H1-5: variants seen among roughly 807,000 people sequenced by gnomAD.
H1-5 encodes the protein H1.5 linker histone, cluster member.
A neutral mutation model predicts 4.6 loss-of-function variants in H1-5; 3 were observed. That is an observed-to-expected ratio of 0.65 (90% CI 0.30 to 1.68). The LOEUF (loss-of-function observed/expected upper bound fraction) is 1.68. Ranked by LOEUF, H1-5 falls within the 40% of genes most tolerant of loss-of-function variation. The pLI is 0.10. For missense variants in H1-5, 521 were observed against 287.9 expected (o/e 1.81, Z -5.86); for synonymous variants, 250 against 123.4 (o/e 2.03, Z -6.80).
Position 27,867,553 on chromosome 6 carries a change from GAAT to G in H1-5, c.-27_-25del. ...ATGGTGGCAAGAAACTGCTAGAAGA[GAAT>G]AAGCTCGAAATCTAAAGAGCAGGTT... On this transcript the variant is annotated 5_prime_UTR_variant, in exon 1 of 1. Transcript: ENST00000331442. The G allele has an allele frequency of 6.6e-7, 1 of 1,520,548 alleles. No individual in the cohort carries two copies. Among genetic ancestry groups the G allele is most frequent in the South Asian group, 1.3e-5 (1 of 74,584 alleles). 94.2% of individuals were successfully genotyped at this position (1,520,548 alleles called of 1,614,324 possible). A position where few individuals can be genotyped will look rare whatever the true frequency, so the allele number is the denominator to read the frequency against.
In H1-5 at chr6:27,867,552, A is replaced by T. The variant is rs769229051; in HGVS notation, c.-23T>A. 3.9e-6 allele frequency: 6 copies of T among 1,522,512 alleles called. No homozygotes were observed. The highest frequency in any genetic ancestry group is 1.4e-5 in the African/African-American group (1 of 71,710). The allele number at this position is 1,522,512 out of a possible 1,614,324, so 94.3% of individuals were successfully genotyped here. ...CATGGTGGCAAGAAACTGCTAGAAG[A>T]GAATAAGCTCGAAATCTAAAGAGCA... On this transcript the variant is annotated 5_prime_UTR_variant, in exon 1 of 1. Coordinates refer to ENST00000331442, the MANE Select transcript of H1-5 (RefSeq NM_005322.3).
rs1400256331 is a variant in H1-5 at position 27,866,821 on chromosome 6, T to G, written c.*28A>C. On this transcript the variant is annotated 3_prime_UTR_variant, in exon 1 of 1. Transcript: ENST00000331442. ...TGGCTCTGAAAAGAGCCTTTGGGGC[T>G]TTGTTGCGGTTTTCACACGCCAGCT... 2 of 1,553,424 alleles carry G rather than the reference T, an allele frequency of 1.3e-6. No individual in the cohort carries two copies. Among genetic ancestry groups the G allele is most frequent in the Non-Finnish European group, 1.7e-6 (2 of 1,154,830 alleles).
chr6:27,866,861 G>A lies in H1-5; in HGVS notation c.669C>T (p.Ala223=), dbSNP rs780587482. 60 of 1,590,664 alleles carry A rather than the reference G, an allele frequency of 3.8e-5. No homozygotes were observed. In the Middle Eastern group the frequency reaches 1.2e-3, roughly 33 times the overall value. ...ACACGCCAGCTTCCTACTTCTTTTT[G>A]GCAGCCGCCTTCTTGGCCTTTGCAG... ...PKAAKAKKAA[A]KKK Residue 223 remains alanine, a synonymous_variant, in exon 1 of 1, where the codon GCC becomes GCT. Transcript: ENST00000331442.
At position 27,867,299 on chromosome 6, in the gene H1-5, C is replaced by T; in HGVS notation, c.231G>A (p.Glu77=). The T allele has an allele frequency of 6.2e-7, 1 of 1,614,256 alleles. No individual in the cohort carries two copies. Among genetic ancestry groups the T allele is most frequent in the South Asian group, 1.1e-5 (1 of 91,086 alleles). ...KALAAGGYDV[E]KNNSRIKLGL... is the part of the protein sequence containing the mutation. ...CCAGCTTAATGCGGCTGTTATTCTTCTCCACGTCGTAGCCACCGGCCGCTA... is the reference window on the plus strand; with the variant it reads ...CCAGCTTAATGCGGCTGTTATTCTTTTCCACGTCGTAGCCACCGGCCGCTA... Residue 77 remains glutamate, a synonymous_variant, in exon 1 of 1, where the codon GAG becomes GAA. Coordinates refer to ENST00000331442, the MANE Select transcript of H1-5 (RefSeq NM_005322.3).
chr6:27,866,911 T>C lies in H1-5; in HGVS notation c.619A>G (p.Lys207Glu). ...KPKAAKPKAA[K>E]PKAAKPKAAK... The stretch of plus-strand genomic sequence containing the variant: ...GCTTTAGGTTTTGCTGCTTTGGGCT[T>C]AGCGGCTTTGGGCTTTGCCGCCTTC... The change falls in exon 1 of 1, where the codon AAG becomes GAG. Residue 207 changes from lysine (K) to glutamate (E), a missense_variant. Transcript: ENST00000331442. 6.2e-7 allele frequency: 1 copy of C among 1,613,122 alleles called. No homozygotes were observed. Among genetic ancestry groups the C allele is most frequent in the Non-Finnish European group, 8.5e-7 (1 of 1,179,694 alleles).
chr6:27,867,078 G>A lies in H1-5; in HGVS notation c.452C>T (p.Ala151Val), dbSNP rs775808412. Residue 151 changes from alanine (A) to valine (V), a missense_variant, in exon 1 of 1, where the codon GCA becomes GTA. By Grantham distance (64) the Ala-to-Val change is moderately conservative. Transcript: ENST00000331442. ...KAKKAAGAKK[A>V]VKKTPKKAKK... is the part of the protein sequence containing the mutation. Reference sequence around the variant, plus strand: ...CGCCTTCTTCGGAGTCTTCTTCACTGCCTTTTTCGCCCCTGCAGCCTTCTT... The same window carrying A: ...CGCCTTCTTCGGAGTCTTCTTCACTACCTTTTTCGCCCCTGCAGCCTTCTT... 3.1e-6 allele frequency: 5 copies of A among 1,613,840 alleles called. No homozygotes were observed. Among genetic ancestry groups the A allele is most frequent in the South Asian group, 1.1e-5 (1 of 91,026 alleles).
In H1-5 at chr6:27,867,032, G is replaced by A. The variant is rs2113565072; in HGVS notation, c.498C>T (p.Gly166=). ...PKKAKKPAAA[G]VKKVAKSPKK... The stretch of plus-strand genomic sequence containing the variant: ...TAGGGCTCTTCGCCACCTTTTTGAC[G>A]CCAGCCGCCGCGGGCTTCTTCGCCT... The change falls in exon 1 of 1, where the codon GGC becomes GGT. Residue 166 remains glycine, a synonymous_variant. Coordinates refer to ENST00000331442, the MANE Select transcript of H1-5 (RefSeq NM_005322.3). 1 of 1,613,892 alleles carries A rather than the reference G, an allele frequency of 6.2e-7. No individual in the cohort carries two copies. The highest frequency in any genetic ancestry group is 8.5e-7 in the Non-Finnish European group (1 of 1,180,000).
rs35906036 is a variant in H1-5 at position 27,867,017 on chromosome 6, C to T, written c.513G>A (p.Ala171=). 1 of 1,614,138 alleles carries T rather than the reference C, an allele frequency of 6.2e-7. No homozygotes were observed. Among genetic ancestry groups the T allele is most frequent in the Non-Finnish European group, 8.5e-7 (1 of 1,180,028 alleles). ...CGGCCTTGGCCTTCTTAGGGCTCTT[C>T]GCCACCTTTTTGACGCCAGCCGCCG... is the stretch of plus-strand genomic sequence containing the variant. The part of the protein sequence containing the change: ...KPAAAGVKKV[A]KSPKKAKAAA... The change falls in exon 1 of 1, where the codon GCG becomes GCA. Residue 171 remains alanine, a synonymous_variant. Coordinates refer to ENST00000331442, the MANE Select transcript of H1-5 (RefSeq NM_005322.3).
In H1-5 at chr6:27,867,028, T is replaced by G. The variant is rs542637132; in HGVS notation, c.502A>C (p.Lys168Gln). Residue 168 changes from lysine to glutamine, a missense_variant, in exon 1 of 1, where the codon AAA becomes CAA. Transcript: ENST00000331442. ...TTCTTAGGGCTCTTCGCCACCTTTTTGACGCCAGCCGCCGCGGGCTTCTTC... is the reference window on the plus strand; with the variant it reads ...TTCTTAGGGCTCTTCGCCACCTTTTGGACGCCAGCCGCCGCGGGCTTCTTC... Reference protein sequence around the residue: ...KAKKPAAAGVKKVAKSPKKAK... With the variant: ...KAKKPAAAGVQKVAKSPKKAK... 2.5e-6 allele frequency: 4 copies of G among 1,614,090 alleles called. No individual in the cohort carries two copies. Among genetic ancestry groups the G allele is most frequent in the Non-Finnish European group, 2.5e-6 (3 of 1,180,024 alleles).
In H1-5 at chr6:27,867,429, G is replaced by A. The variant is rs755361479; in HGVS notation, c.101C>T (p.Ala34Val). 4 of 1,610,250 alleles carry A rather than the reference G, an allele frequency of 2.5e-6. No homozygotes were observed. Among genetic ancestry groups the A allele is most frequent in the East Asian group, 2.2e-5 (1 of 44,826 alleles). The change falls in exon 1 of 1, where the codon GCT (alanine) becomes GTT (valine). Residue 34 changes from alanine to valine, a missense_variant. Coordinates refer to ENST00000331442, the MANE Select transcript of H1-5 (RefSeq NM_005322.3). Reference protein sequence around the residue: ...ATKKAAGAGAAKRKATGPPVS... With the variant: ...ATKKAAGAGAVKRKATGPPVS... ...TGGGGGCCCCGTCGCTTTGCGCTTA[G>A]CAGCGCCGGCGCCGGCAGCCTTCTT... is the stretch of plus-strand genomic sequence containing the variant.
rs891797377 is a variant in H1-5, at chr6:27,866,949, T to G, written c.581A>C (p.Lys194Thr). ...KKATKSPAKPKAVKPKAAKPK... is the reference protein window; with the variant it reads ...KKATKSPAKPTAVKPKAAKPK... ...CTTTGCCGCCTTCGGCTTAACTGCC[T>G]TGGGCTTGGCAGGACTCTTGGTTGC... is the stretch of plus-strand genomic sequence containing the variant. The change falls in exon 1 of 1, where the codon AAG becomes ACG. Residue 194 changes from lysine (K) to threonine (T), a missense_variant. Physicochemically the swap from Lys to Thr is moderately conservative, Grantham distance 78 (BLOSUM62 -1). Transcript: ENST00000331442. 1 of 1,614,208 alleles carries G rather than the reference T, an allele frequency of 6.2e-7. No homozygotes were observed. Among genetic ancestry groups the G allele is most frequent in the African/African-American group, 1.3e-5 (1 of 75,060 alleles).
Position 27,867,097 on chromosome 6 carries a change from C to A in H1-5, c.433G>T (p.Ala145Ser). 6.2e-7 allele frequency: 1 copy of A among 1,613,792 alleles called. No homozygotes were observed. The stretch of plus-strand genomic sequence containing the variant: ...TTCACTGCCTTTTTCGCCCCTGCAG[C>A]CTTCTTGGCCTTCTTAGGCGTGGCC... ...AGATPKKAKK[A>S]AGAKKAVKKT... Residue 145 changes from alanine to serine, a missense_variant, in exon 1 of 1, where the codon GCT (alanine) becomes TCT (serine). By Grantham distance (99) the Ala-to-Ser change is moderately conservative (BLOSUM62 1). Transcript: ENST00000331442.
Position 27,867,292 on chromosome 6 carries a change from T to A in H1-5, c.238A>T (p.Asn80Tyr). The A allele has an allele frequency of 6.2e-7, 1 of 1,614,254 alleles. No individual in the cohort carries two copies. Among genetic ancestry groups the A allele is most frequent in the Non-Finnish European group, 8.5e-7 (1 of 1,180,050 alleles). ...AAGGYDVEKN[N>Y]SRIKLGLKSL... ...TTGAGGCCCAGCTTAATGCGGCTGT[T>A]ATTCTTCTCCACGTCGTAGCCACCG... Residue 80 changes from asparagine (N) to tyrosine (Y), a missense_variant, in exon 1 of 1, where the codon AAC (asparagine) becomes TAC (tyrosine). Coordinates refer to ENST00000331442, the MANE Select transcript of H1-5 (RefSeq NM_005322.3).
rs757943776 is a variant in H1-5 at position 27,867,096 on chromosome 6, G to C, written c.434C>G (p.Ala145Gly). 1.2e-6 allele frequency: 2 copies of C among 1,613,658 alleles called. No individual in the cohort carries two copies. Among genetic ancestry groups the C allele is most frequent in the African/African-American group, 1.3e-5 (1 of 74,976 alleles). ...AGATPKKAKK[A>G]AGAKKAVKKT... ...CTTCACTGCCTTTTTCGCCCCTGCA[G>C]CCTTCTTGGCCTTCTTAGGCGTGGC... Residue 145 changes from alanine to glycine, a missense_variant, in exon 1 of 1, where the codon GCT (alanine) becomes GGT (glycine). Transcript: ENST00000331442.
rs1761537370 is a variant in H1-5 at position 27,867,313 on chromosome 6, C to T, written c.217G>A (p.Gly73Ser). 6.2e-7 allele frequency: 1 copy of T among 1,614,240 alleles called. No homozygotes were observed. Among genetic ancestry groups the T allele is most frequent in the Non-Finnish European group, 8.5e-7 (1 of 1,180,048 alleles). Residue 73 changes from glycine (G) to serine (S), a missense_variant, in exon 1 of 1, where the codon GGC (glycine) becomes AGC (serine). By Grantham distance (56) the Gly-to-Ser change is moderately conservative. Coordinates refer to ENST00000331442, the MANE Select transcript of H1-5 (RefSeq NM_005322.3). ...AALKKALAAG[G>S]YDVEKNNSRI... ...CTGTTATTCTTCTCCACGTCGTAGC[C>T]ACCGGCCGCTAAGGCCTTCTTAAGG...
rs376086559 is a variant in H1-5, at chr6:27,866,997, T to G, written c.533A>C (p.Lys178Thr). 1.9e-6 allele frequency: 3 copies of G among 1,614,110 alleles called. No homozygotes were observed. Among genetic ancestry groups the G allele is most frequent in the Non-Finnish European group, 2.5e-6 (3 of 1,180,060 alleles). The change falls in exon 1 of 1, where the codon AAG becomes ACG. Residue 178 changes from lysine to threonine, a missense_variant. Physicochemically the swap from Lys to Thr is moderately conservative, Grantham distance 78. Coordinates refer to ENST00000331442, the MANE Select transcript of H1-5 (RefSeq NM_005322.3). ...KKVAKSPKKA[K>T]AAAKPKKATK... ...TGCCTTTTTCGGTTTGGCAGCGGCCTTGGCCTTCTTAGGGCTCTTCGCCAC... is the reference window on the plus strand; with the variant it reads ...TGCCTTTTTCGGTTTGGCAGCGGCCGTGGCCTTCTTAGGGCTCTTCGCCAC...
Position 27,866,833 on chromosome 6 carries a change from T to G in H1-5, c.*16A>C. On this transcript the variant is annotated 3_prime_UTR_variant, in exon 1 of 1. Coordinates refer to ENST00000331442, the MANE Select transcript of H1-5 (RefSeq NM_005322.3). ...GAGCCTTTGGGGCTTTGTTGCGGTT[T>G]TCACACGCCAGCTTCCTACTTCTTT... 6.4e-7 allele frequency: 1 copy of G among 1,571,068 alleles called. No homozygotes were observed. The highest frequency in any genetic ancestry group is 8.6e-7 in the Non-Finnish European group (1 of 1,165,058).
rs775734562 is a variant in H1-5, at chr6:27,867,316, C to A, written c.214G>T (p.Gly72Cys). 10 of 1,614,256 alleles carry A rather than the reference C, an allele frequency of 6.2e-6. No homozygotes were observed. The South Asian group carries it at 1.1e-4, about 18-fold the overall frequency. The change falls in exon 1 of 1, where the codon GGT becomes TGT. Residue 72 changes from glycine to cysteine, a missense_variant. Gly to Cys is a radical substitution (Grantham distance 159, BLOSUM62 -3). Coordinates refer to ENST00000331442, the MANE Select transcript of H1-5 (RefSeq NM_005322.3). ...LAALKKALAA[G>C]GYDVEKNNSR... Reference sequence around the variant, plus strand: ...TTATTCTTCTCCACGTCGTAGCCACCGGCCGCTAAGGCCTTCTTAAGGGCT... The same window carrying A: ...TTATTCTTCTCCACGTCGTAGCCACAGGCCGCTAAGGCCTTCTTAAGGGCT...
At position 27,867,188 on chromosome 6, in the gene H1-5, C is replaced by T. The variant is rs1376308167; in HGVS notation, c.342G>A (p.Ala114=). 6.2e-6 allele frequency: 10 copies of T among 1,614,110 alleles called. No individual in the cohort carries two copies. Among genetic ancestry groups the T allele is most frequent in the African/African-American group, 1.3e-5 (1 of 74,952 alleles). Reference sequence around the variant, plus strand: ...CTTTGGGCTTGGCTTCCCCGGAGGCCGCCTTCTTGTTGAGTTTAAAGGAGC... The same window carrying T: ...CTTTGGGCTTGGCTTCCCCGGAGGCTGCCTTCTTGTTGAGTTTAAAGGAGC... ...ASGSFKLNKK[A]ASGEAKPKAK... Residue 114 remains alanine (A), a synonymous_variant, in exon 1 of 1, where the codon GCG becomes GCA. Coordinates refer to ENST00000331442, the MANE Select transcript of H1-5 (RefSeq NM_005322.3).
Sources: gnomAD v4.1 joint callset for allele counts on GRCh38, gnomAD v4.1.1 for gene constraint, MANE v1.5 for transcripts, NCBI Gene and HGNC (gene_info 2026-07-23, HGNC 2026-07-21) for gene names.